Variants in LYN observed in about 807,000 individuals in gnomAD.
LYN encodes the protein tyrosine-protein kinase Lyn.
LYN carries 12 observed loss-of-function variants against 65.0 expected under a neutral mutation model. The ratio of observed to expected loss-of-function variants is 0.18; its 90% CI spans 0.12 to 0.30. LYN has a LOEUF of 0.30. Among genes scored for constraint, LYN ranks in the 10% least tolerant of loss-of-function variants. LYN has a pLI of 1.00. For missense variants in LYN, 380 were observed against 623.2 expected, an observed-to-expected ratio of 0.61 and a Z score of 4.16; for synonymous variants, 222 against 221.2, an observed-to-expected ratio of 1.00 and a Z score of -0.03.
intron 1 of LYN, among the ~76,000 whole-genome samples, chr8:55,915,172 C>T (rs1805749175): frequency 6.6e-6 from 1 of 152,152 alleles, no homozygotes; most frequent in Admixed American, 6.5e-5. Context: ...TGTGTTGCAG[C>T]TGTCCAACCT....
At chr8:55,951,875 A>G (rs1409714439) in intron 6 of LYN, 91 bp from the exon 7 acceptor site, 5 of 991,466 alleles carry the variant, frequency 5.0e-6, no homozygotes, top group African/African-American at 1.7e-5. Flanking sequence ...TATTTTGCAT[A>G]TTTGTATCAC....
At chr8:55,935,634 C>G (rs1806409697) in intron 1 of LYN, among the ~76,000 whole-genome samples, 1 of 152,036 alleles carries the variant, frequency 6.6e-6, no homozygotes. Context: ...ATTAGCCATG[C>G]TTGGTGGCGG....
chr8:55,932,130 G>T (rs1373625954), intron 1 of LYN, among the ~76,000 whole-genome samples: 1 of 152,126 alleles, frequency 6.6e-6, no homozygotes, highest in Admixed American at 6.6e-5. Flanking sequence ...AAGTGTTCCT[G>T]TGCATAGGGA....
chr8:55,977,915 G>A (rs1209938867), intron 10 of LYN, among the ~76,000 whole-genome samples: 3 of 152,028 alleles, frequency 2.0e-5, no homozygotes, highest in African/African-American at 7.3e-5. Flanking sequence ...GCAAGACCCT[G>A]CCTCTAAAAA....
chr8:55,951,078 A>G (rs777985373), intron 6 of LYN, among the ~76,000 whole-genome samples: 1 of 151,812 alleles, frequency 6.6e-6, no homozygotes, highest in Non-Finnish European at 1.5e-5. Flanking sequence ...CCCCATCTCT[A>G]CAAGAAATAC....
At chr8:55,891,036 G>A (rs1461213226) in intron 1 of LYN, among the ~76,000 whole-genome samples, 1 of 150,718 alleles carries the variant, frequency 6.6e-6, no homozygotes, top group African/African-American at 2.4e-5. Flanking sequence ...GCCATACAAT[G>A]GAATGTTATT....
intron 1 of LYN, among the ~76,000 whole-genome samples, chr8:55,885,261 T>C (rs1804760525): frequency 6.6e-6 from 1 of 152,236 alleles, no homozygotes; most frequent in Non-Finnish European, 1.5e-5. Flanking sequence ...TTCTTGATGG[T>C]TGAGGCTCTG....
chr8:55,910,246 C>T (rs1317702187), intron 1 of LYN, among the ~76,000 whole-genome samples: 1 of 151,956 alleles, frequency 6.6e-6, no homozygotes, highest in Admixed American at 6.6e-5. Flanking sequence ...AAGTGTTTTC[C>T]CTAGATTTTC....
chr8:55,910,588 C>G (rs1011010268), intron 1 of LYN, among the ~76,000 whole-genome samples: 4 of 152,174 alleles, frequency 2.6e-5, no homozygotes, highest in Admixed American at 6.6e-5. Context: ...TATGATGCCT[C>G]TAGCTTTGCT....
intron 1 of LYN, among the ~76,000 whole-genome samples, chr8:55,903,325 G>C (rs139643129): frequency 2.7e-4 from 41 of 152,318 alleles, no homozygotes; most frequent in African/African-American, 9.4e-4. Flanking sequence ...TTGTCTTCAT[G>C]GTGAGCAGCT....
At chr8:55,974,836 C>T (rs1585656277) in intron 10 of LYN, among the ~76,000 whole-genome samples, 1 of 152,276 alleles carries the variant, frequency 6.6e-6, no homozygotes, top group Middle Eastern at 3.4e-3. Flanking sequence ...GTTTAGTTCA[C>T]TCAAGCTGGA....
At chr8:55,991,863 G>A (rs1808260134) in intron 10 of LYN, among the ~76,000 whole-genome samples, 1 of 152,076 alleles carries the variant, frequency 6.6e-6, no homozygotes, top group African/African-American at 2.4e-5. Flanking sequence ...TTTCACTGAA[G>A]GCAAAAAAAG....
At chr8:55,997,187 T>C (rs1348651371) in intron 10 of LYN, among the ~76,000 whole-genome samples, 1 of 151,828 alleles carries the variant, frequency 6.6e-6, no homozygotes, top group Non-Finnish European at 1.5e-5. Flanking sequence ...AGTGAATCTT[T>C]GTGATTGTCC....
intron 10 of LYN, among the ~76,000 whole-genome samples, chr8:55,972,270 A>G (rs184016257): frequency 1.9e-4 from 29 of 152,210 alleles, no homozygotes; most frequent in African/African-American, 7.0e-4. Context: ...CACTGGCTCC[A>G]TTTGAGTTCA....
intron 1 of LYN, among the ~76,000 whole-genome samples, chr8:55,928,321 T>A (rs568581231): frequency 6.6e-6 from 1 of 152,280 alleles, no homozygotes; most frequent in Admixed American, 6.5e-5. Flanking sequence ...AGTTTTTGTA[T>A]TTTTAGTAGA....
chr8:55,906,632 C>T (rs1202404695), intron 1 of LYN, among the ~76,000 whole-genome samples: 1 of 151,610 alleles, frequency 6.6e-6, no homozygotes, highest in African/African-American at 2.4e-5. Context: ...ACTGGGATTA[C>T]AGGCGTGAGC....
In LYN at chr8:55,879,871, C is replaced by T; in HGVS notation, c.-238C>T. 5.4e-6 allele frequency: 1 copy of T among 185,188 alleles called. No individual in the cohort carries two copies. Among genetic ancestry groups the T allele is most frequent in the Middle Eastern group, 5.4e-4 (1 of 1,854 alleles). The allele number at this position is 185,188 out of a possible 1,614,324, so 11.5% of individuals were successfully genotyped here. A position where few individuals can be genotyped will look rare whatever the true frequency, so the allele number is the denominator to read the frequency against. On this transcript the variant is annotated 5_prime_UTR_variant, in exon 1 of 13. Coordinates refer to ENST00000519728, the MANE Select transcript of LYN (RefSeq NM_002350.4). Reference sequence around the variant, plus strand: ...CGCCGCGCCGGGCCGCGCTGCCGCTCGCTCCCCGGCCGTGGCGCCTCCGGG... The same window carrying T: ...CGCCGCGCCGGGCCGCGCTGCCGCTTGCTCCCCGGCCGTGGCGCCTCCGGG...
Position 56,013,765 on chromosome 8 carries a change from C to T in LYN, c.*3655C>T, listed in dbSNP as rs1808878013. ...GCCAGTTGTCGGACATCTCCTGCTT[C>T]CTCAGCCAAGAACACCTCTCAGATG... On this transcript the variant is annotated 3_prime_UTR_variant, in exon 13 of 13. Transcript: ENST00000519728. 6.6e-6 allele frequency: 1 copy of T among 152,304 alleles called. No individual in the cohort carries two copies. 9.4% of individuals were successfully genotyped at this position (152,304 alleles called of 1,614,324 possible).
In LYN at chr8:55,996,479, G is replaced by A. The variant is rs183908158; in HGVS notation, c.1051-1867G>A. Among the ~76,000 whole-genome samples the A allele has an allele frequency of 1.1e-4, 17 of 152,248 alleles. 1 individual carries two copies. Among genetic ancestry groups the A allele is most frequent in the Middle Eastern group, 6.8e-3 (2 of 294 alleles). On this transcript the variant is annotated intron_variant, in intron 10 of 12. Transcript: ENST00000519728. ...ACATTCATTCCTGTGTGAAAAATTC[G>A]AATCAGAGTTTTCTCTAACTGCTTA...
Sources: allele counts gnomAD v4.1 joint callset (sites outside exome capture counted in the v4.1 genomes callset), GRCh38; gene constraint gnomAD v4.1.1; transcripts MANE v1.5; gene names NCBI Gene and HGNC (gene_info 2026-07-23, HGNC 2026-07-21).